The following RELN variants were observed in gnomAD, a reference collection of about 807,000 sequenced individuals.
RELN encodes reelin.
In RELN, 108 loss-of-function variants were observed where a neutral mutation model predicts 427.6. The observed-to-expected ratio is 0.25, with a 90% CI of 0.22 to 0.30. RELN has a LOEUF of 0.30. RELN is among the 10% of genes least tolerant of loss of function. RELN has a pLI of 1.00. For missense variants in RELN, 3,715 were observed against 4,302.8 expected (o/e 0.86, Z 3.82); for synonymous variants, 1,524 against 1,513.4 (o/e 1.01, Z -0.16).
chr7:103,611,609 A>G lies in RELN; in HGVS notation c.2895+2T>C. ...TACAAGGTTTAAGGAAACTAGACTT[A>G]CTTCTTGGACGAGGTGCCAGGTAAG... On this transcript the variant is annotated splice_donor_variant, in intron 21 of 64. Coordinates refer to ENST00000428762, the MANE Select transcript of RELN (RefSeq NM_005045.4). LOFTEE classifies it high-confidence loss of function. 6.2e-7 allele frequency: 1 copy of G among 1,612,150 alleles called. No individual in the cohort carries two copies. Among genetic ancestry groups the G allele is most frequent in the Non-Finnish European group, 8.5e-7 (1 of 1,179,390 alleles).
intron 49 of RELN, among the ~76,000 whole-genome samples, chr7:103,515,726 C>T (rs776354699): frequency 7.9e-5 from 12 of 152,214 alleles, no homozygotes; most frequent in South Asian, 2.1e-4. Flanking sequence ...CAGTTTTTTG[C>T]ATACCTGGTG....
intron 1 of RELN, among the ~76,000 whole-genome samples, chr7:103,987,051 T>A: frequency 7.1e-6 from 1 of 140,364 alleles, no homozygotes. Flanking sequence ...TTTAAACATG[T>A]ATTCTACCTG....
chr7:103,636,449 C>A lies in RELN; in HGVS notation c.2089G>T (p.Gly697Cys). 6.2e-7 allele frequency: 1 copy of A among 1,612,464 alleles called. No individual in the cohort carries two copies. The highest frequency in any genetic ancestry group is 8.5e-7 in the Non-Finnish European group (1 of 1,178,710). The change falls in exon 18 of 65, where the codon GGC (glycine) becomes TGC (cysteine). Residue 697 changes from glycine (G) to cysteine (C), a missense_variant. By Grantham distance (159) the Gly-to-Cys change is radical. Around this residue, in one of 4 missense-constraint regions of RELN, gnomAD observed 2,208 missense variants for 2,361.7 expected, o/e 0.93. Transcript: ENST00000428762. The part of the protein sequence containing the change: ...HGCKCDPGFS[G>C]PACEMASQTF... ...TGGGATGCCATCTCACAAGCTGGGC[C>A]AGAAAATCCAGGGTCACACCTGAAA...
intron 1 of RELN, among the ~76,000 whole-genome samples, chr7:103,934,702 G>C (rs1156390194): frequency 3.3e-5 from 5 of 152,208 alleles, no homozygotes; most frequent in African/African-American, 1.2e-4. Context: ...ATTCCACCTA[G>C]TGATGGAAGC....
chr7:103,724,749 T>C (rs1439738447), intron 7 of RELN, among the ~76,000 whole-genome samples: 2 of 152,076 alleles, frequency 1.3e-5, no homozygotes, highest in Non-Finnish European at 2.9e-5. Flanking sequence ...CTCATTTCTT[T>C]ACCTTTACCC....
intron 41 of RELN, among the ~76,000 whole-genome samples, chr7:103,546,787 C>A (rs1163777523): frequency 6.6e-6 from 1 of 152,016 alleles, no homozygotes; most frequent in Non-Finnish European, 1.5e-5. Context: ...TTGTGAAAGT[C>A]CTTATGAGCC....
In RELN at chr7:103,563,277, A is replaced by C. The variant is rs1289589429; in HGVS notation, c.5211-1324T>G. 6.6e-6 allele frequency among the ~76,000 whole-genome samples: 1 copy of C among 152,228 alleles called. No individual in the cohort carries two copies. The highest frequency in any genetic ancestry group is 2.4e-5 in the African/African-American group (1 of 41,460). ...ACTGCATTTATGACAATGGTCTCATAAGATTATAATGGATCTGAAAAAAAA... is the reference window on the plus strand; with the variant it reads ...ACTGCATTTATGACAATGGTCTCATCAGATTATAATGGATCTGAAAAAAAA... On this transcript the variant is annotated intron_variant, in intron 34 of 64. Transcript: ENST00000428762. The surrounding 1 kb of genome is among the most constrained non-coding windows in gnomAD (Gnocchi z 4.1).
intron 4 of RELN, among the ~76,000 whole-genome samples, chr7:103,772,182 C>G (rs1482709803): frequency 6.6e-6 from 1 of 152,154 alleles, no homozygotes; most frequent in Non-Finnish European, 1.5e-5. Flanking sequence ...ATACTGTGCA[C>G]CACATATTGT....
intron 14 of RELN, 34 bp downstream of exon 14, chr7:103,652,517 T>C (rs925771410): frequency 3.2e-6 from 5 of 1,561,980 alleles, no homozygotes; most frequent in East Asian, 2.2e-5. Context: ...AACTCATTTT[T>C]AGTTTTGCAC....
chr7:103,545,419 TG>T, intron 41 of RELN, 75 bp from the exon 42 acceptor site: 1 of 1,005,280 alleles, frequency 9.9e-7, no homozygotes. Context: ...ATCTGATCAA[TG>T]AACAATGGGC....
chr7:103,682,559 G>A (rs1833678923), intron 10 of RELN, among the ~76,000 whole-genome samples: 1 of 152,118 alleles, frequency 6.6e-6, no homozygotes, highest in Non-Finnish European at 1.5e-5. Context: ...CTTTACCACT[G>A]TCCTTGTTGT....
intron 3 of RELN, among the ~76,000 whole-genome samples, chr7:103,783,164 C>CTTTCTTT (rs1554418444): frequency 2.6e-4 from 28 of 109,326 alleles, no homozygotes; most frequent in Non-Finnish European, 4.8e-4. Context: ...CTCTTTCTTT[C>CTTTCTTT]TTTTTTTTTT....
chr7:103,785,325 A>T (rs1584490933), intron 3 of RELN, among the ~76,000 whole-genome samples: 1 of 152,154 alleles, frequency 6.6e-6, no homozygotes, highest in East Asian at 1.9e-4. Flanking sequence ...AGGCAAGAAC[A>T]AAACTGGAAA....
intron 11 of RELN, among the ~76,000 whole-genome samples, chr7:103,671,649 ATAAT>A (rs796463063): frequency 2.0e-4 from 30 of 152,258 alleles, no homozygotes; most frequent in African/African-American, 6.3e-4. Context: ...TTTTCATGCT[ATAAT>A]TAATAAACAA....
intron 46 of RELN, 135 bp downstream of exon 46, chr7:103,535,181 T>C (rs1830021158): frequency 1.2e-6 from 1 of 821,434 alleles, no homozygotes; most frequent in African/African-American, 1.7e-5. Context: ...ACAGCCTTAA[T>C]AATTCATACA....
chr7:103,986,126 C>T (rs939155152), intron 1 of RELN, among the ~76,000 whole-genome samples: 2 of 152,128 alleles, frequency 1.3e-5, no homozygotes, highest in Non-Finnish European at 2.9e-5. Context: ...GTATAGAGAC[C>T]TCCTTTCGCT....
rs188093084 is a variant in RELN, at chr7:103,698,152, G to T, written c.903-59C>A. Reference sequence around the variant, plus strand: ...TGCTGACTTTTTCTTTCTTAGAGATGAATTTTGTTTCTTAAGGTTGTAGTT... The same window carrying T: ...TGCTGACTTTTTCTTTCTTAGAGATTAATTTTGTTTCTTAAGGTTGTAGTT... On this transcript the variant is annotated intron_variant, in intron 9 of 64. Transcript: ENST00000428762. 1.1e-4 allele frequency: 181 copies of T among 1,606,006 alleles called. 1 individual carries two copies. The East Asian group carries it at 4.0e-3, about 36-fold the overall frequency.
intron 6 of RELN, 102 bp downstream of exon 6, chr7:103,749,324 A>G (rs1790934373): frequency 1.1e-6 from 1 of 887,342 alleles, no homozygotes. Context: ...ATAGCTTAGC[A>G]CTAAAGATCA....
At position 103,736,658 on chromosome 7, in the gene RELN, A is replaced by T. The variant is rs1204979759; in HGVS notation, c.657-8451T>A. Among the ~76,000 whole-genome samples the T allele has an allele frequency of 2.0e-5, 3 of 152,212 alleles. No individual in the cohort carries two copies. In the East Asian group the frequency reaches 5.8e-4, roughly 29 times the overall value. ...CCTCTAAAATCTTACTACTGCACAC[A>T]ATATTCTGACCTCCTACTATGGTAA... On this transcript the variant is annotated intron_variant, in intron 6 of 64. Coordinates refer to ENST00000428762, the MANE Select transcript of RELN (RefSeq NM_005045.4).
Sources: allele counts gnomAD v4.1 joint callset (sites outside exome capture counted in the v4.1 genomes callset), GRCh38; gene constraint gnomAD v4.1.1; regional missense constraint gnomAD v4.1.1; non-coding constraint Gnocchi (gnomAD v3.1); transcripts MANE v1.5; gene names NCBI Gene and HGNC (gene_info 2026-07-23, HGNC 2026-07-21).